The following HCFC2 variants were observed in gnomAD, a reference collection of about 807,000 sequenced individuals.
The protein encoded by HCFC2 is host cell factor C2.
A neutral mutation model predicts 89.2 loss-of-function variants in HCFC2; 18 were observed. The ratio of observed to expected loss-of-function variants is 0.20; its 90% CI spans 0.14 to 0.30. HCFC2 has a LOEUF of 0.30. Among genes scored for constraint, HCFC2 ranks in the 10% least tolerant of loss-of-function variants. The probability of loss-of-function intolerance (pLI) is 1.00; values close to 1 mark genes in which losing one functional copy is unlikely to be tolerated. For synonymous variants in HCFC2, 308 were observed against 335.7 expected (o/e 0.92, Z 0.90); for missense variants, 578 against 956.1 (o/e 0.60, Z 5.21).
chr12:104,101,742 G>C (rs1399969671), intron 13 of HCFC2, among the ~76,000 whole-genome samples: 1 of 152,132 alleles, frequency 6.6e-6, no homozygotes, highest in African/African-American at 2.4e-5. Context: ...TTCTCAACTG[G>C]AAAGAGTGCT....
At chr12:104,067,816 C>T in intron 2 of HCFC2, 131 bp from the exon 3 acceptor site, 2 of 710,336 alleles carry the variant, frequency 2.8e-6, no homozygotes, top group Non-Finnish European at 4.3e-6. Flanking sequence ...GTCATTTGTC[C>T]CAAAAGTAGT....
At chr12:104,079,780 G>C (rs1883623880) in intron 4 of HCFC2, 127 bp downstream of exon 4, 1 of 687,196 alleles carries the variant, frequency 1.5e-6, no homozygotes, top group South Asian at 1.8e-5. Context: ...CCCAGGGACA[G>C]TGTATGTGTG....
At chr12:104,093,799 G>C (rs1002915977) in intron 10 of HCFC2, among the ~76,000 whole-genome samples, 1 of 149,292 alleles carries the variant, frequency 6.7e-6, no homozygotes, top group African/African-American at 2.5e-5. Context: ...TTAAAGAATA[G>C]CCTCTCCATC....
intron 3 of HCFC2, among the ~76,000 whole-genome samples, chr12:104,077,276 T>G (rs1217216111): frequency 3.3e-5 from 5 of 152,024 alleles, no homozygotes; most frequent in African/African-American, 1.2e-4. Flanking sequence ...GGAGTCTCGT[T>G]GTGTCACCCA....
rs1884087606 is a variant in HCFC2 at position 104,093,499 on chromosome 12, A to G, written c.1398A>G (p.Pro466=). 5 of 1,613,042 alleles carry G rather than the reference A, an allele frequency of 3.1e-6. No homozygotes were observed. The South Asian group carries it at 4.4e-5, about 14-fold the overall frequency. The part of the protein sequence containing the change: ...ALTDSNAILY[P]SLASNASNHN... Reference sequence around the variant, plus strand: ...CGGATTCTAATGCCATTTTATATCCATCTTTGGCATCAAATGCTTCTAATC... The same window carrying G: ...CGGATTCTAATGCCATTTTATATCCGTCTTTGGCATCAAATGCTTCTAATC... The change falls in exon 10 of 15, where the codon CCA becomes CCG. Residue 466 remains proline, a synonymous_variant. Transcript: ENST00000229330.
chr12:104,088,064 A>G (rs756356696), intron 9 of HCFC2, 26 bp downstream of exon 9: 1 of 1,532,496 alleles, frequency 6.5e-7, no homozygotes, highest in East Asian at 2.3e-5. Context: ...TATGAAGGTA[A>G]TTGGATGTTT....
rs553285642 is a variant in HCFC2, at chr12:104,088,919, G to C, written c.1284+881G>C. 8.5e-5 allele frequency among the ~76,000 whole-genome samples: 13 copies of C among 152,252 alleles called. No individual in the cohort carries two copies. In the East Asian group the frequency reaches 2.5e-3, roughly 29 times the overall value. On this transcript the variant is annotated intron_variant, in intron 9 of 14. Transcript: ENST00000229330. ...ATGAAGAGCAGTAGTTTCCTACCCT[G>C]TCCCTACCTGCTCTTGATTTCTGTT...
chr12:104,103,907 G>A lies in HCFC2; in HGVS notation c.*634G>A, dbSNP rs2030019209. On this transcript the variant is annotated 3_prime_UTR_variant, in exon 15 of 15. Coordinates refer to ENST00000229330, the MANE Select transcript of HCFC2 (RefSeq NM_013320.3). ...CATGGTAAAATACAACAAGAACAAT[G>A]AGTTTTCTTGATTCTTACCAGGCCA... The A allele has an allele frequency of 6.6e-6, 1 of 152,046 alleles. No homozygotes were observed. The highest frequency in any genetic ancestry group is 6.6e-5 in the Admixed American group (1 of 15,266). The allele number at this position is 152,046 out of a possible 1,614,324, so 9.4% of individuals were successfully genotyped here. A position where few individuals can be genotyped will look rare whatever the true frequency, so the allele number is the denominator to read the frequency against.
chr12:104,080,881 A>C, intron 5 of HCFC2, 51 bp downstream of exon 5: 1 of 1,164,160 alleles, frequency 8.6e-7, no homozygotes, highest in Non-Finnish European at 1.3e-6. Context: ...AAAACAACTT[A>C]AGAAGCACAC....
At chr12:104,100,352 G>A (rs2029900705) in intron 13 of HCFC2, among the ~76,000 whole-genome samples, 2 of 152,132 alleles carry the variant, frequency 1.3e-5, no homozygotes, top group African/African-American at 2.4e-5. Flanking sequence ...AGTCCAAGGT[G>A]GGAGGAGCTT....
At position 104,105,690 on chromosome 12, in the gene HCFC2, T is replaced by G. The variant is rs866900130; in HGVS notation, c.*2417T>G. 2.0e-5 allele frequency: 3 copies of G among 151,944 alleles called. No individual in the cohort carries two copies. The highest frequency in any genetic ancestry group is 4.4e-5 in the Non-Finnish European group (3 of 67,886). The allele number at this position is 151,944 out of a possible 1,614,324, so 9.4% of individuals were successfully genotyped here. A position where few individuals can be genotyped will look rare whatever the true frequency, so the allele number is the denominator to read the frequency against. The stretch of plus-strand genomic sequence containing the variant: ...TAAGAAATCTCTGTGGCTTTGACAT[T>G]AGTAGTTAATAAGAGATCTTAGAGC... On this transcript the variant is annotated 3_prime_UTR_variant, in exon 15 of 15. Coordinates refer to ENST00000229330, the MANE Select transcript of HCFC2 (RefSeq NM_013320.3).
At position 104,067,987 on chromosome 12, in the gene HCFC2, C is replaced by T. The variant is rs772184239; in HGVS notation, c.353C>T (p.Pro118Leu). ...WLWKKVKPHPPPSGLPPCPRL... is the reference protein window; with the variant it reads ...WLWKKVKPHPLPSGLPPCPRL... ...TGGAAAAAAGTGAAACCCCATCCCC[C>T]TCCTTCTGGTTTACCTCCTTGTCCT... is the stretch of plus-strand genomic sequence containing the variant. The change falls in exon 3 of 15, where the codon CCT (proline) becomes CTT (leucine). Residue 118 changes from proline to leucine, a missense_variant. By Grantham distance (98) the Pro-to-Leu change is moderately conservative. Around this residue, in one of 4 missense-constraint regions of HCFC2, gnomAD observed 206 missense variants for 419.2 expected, o/e 0.49. Transcript: ENST00000229330. The T allele has an allele frequency of 1.9e-6, 3 of 1,606,328 alleles. No homozygotes were observed. The highest frequency in any genetic ancestry group is 2.5e-6 in the Non-Finnish European group (3 of 1,177,370).
intron 3 of HCFC2, among the ~76,000 whole-genome samples, chr12:104,072,645 T>C (rs1883354701): frequency 6.6e-6 from 1 of 151,984 alleles, no homozygotes. Flanking sequence ...ATCCATTTGG[T>C]TTCTTTTTTT....
chr12:104,095,185 C>T lies in HCFC2; in HGVS notation c.1463-175C>T, dbSNP rs943618524. 6.6e-6 allele frequency among the ~76,000 whole-genome samples: 1 copy of T among 152,086 alleles called. No homozygotes were observed. Among genetic ancestry groups the T allele is most frequent in the South Asian group, 2.1e-4 (1 of 4,838 alleles). Reference sequence around the variant, plus strand: ...TTGGATATCCATTATGGATATAATGCACTTTATTTTTCTAAACATTTTATG... The same window carrying T: ...TTGGATATCCATTATGGATATAATGTACTTTATTTTTCTAAACATTTTATG... On this transcript the variant is annotated intron_variant, in intron 10 of 14. Transcript: ENST00000229330. This position sits in a 1 kb window ranked among gnomAD's most constrained non-coding sequence, Gnocchi z 4.2.
At position 104,103,279 on chromosome 12, in the gene HCFC2, T is replaced by A. The variant is rs1260867456; in HGVS notation, c.*6T>A. On this transcript the variant is annotated 3_prime_UTR_variant, in exon 15 of 15. Transcript: ENST00000229330. Reference sequence around the variant, plus strand: ...AGAAAGCACCTTTAAATTGAATTGGTTTTTTTACTGAAGCTATTGTGATGA... The same window carrying A: ...AGAAAGCACCTTTAAATTGAATTGGATTTTTTACTGAAGCTATTGTGATGA... 6.3e-7 allele frequency: 1 copy of A among 1,597,564 alleles called. No homozygotes were observed. Among genetic ancestry groups the A allele is most frequent in the Non-Finnish European group, 8.6e-7 (1 of 1,168,158 alleles).
intron 13 of HCFC2, among the ~76,000 whole-genome samples, chr12:104,099,635 T>TA (rs1884281978): frequency 6.6e-6 from 1 of 152,000 alleles, no homozygotes; most frequent in South Asian, 2.1e-4. Context: ...AAAAAAAACT[T>TA]ATACAATCAC....
intron 14 of HCFC2, among the ~76,000 whole-genome samples, 192 bp downstream of exon 14, chr12:104,102,345 G>A (rs2029973074): frequency 2.0e-5 from 3 of 152,044 alleles, no homozygotes; most frequent in South Asian, 2.1e-4. Context: ...AAGTTCAGGG[G>A]TACATGTGCA....
intron 5 of HCFC2, 38 bp downstream of exon 5, chr12:104,080,868 A>T (rs781249623): frequency 5.3e-6 from 7 of 1,311,996 alleles, no homozygotes; most frequent in East Asian, 4.7e-5. Flanking sequence ...TGTTTTTTTT[A>T]AAAAAACAAC....
At chr12:104,085,246 T>C (rs1457831206) in intron 7 of HCFC2, among the ~76,000 whole-genome samples, 1 of 152,148 alleles carries the variant, frequency 6.6e-6, no homozygotes, top group Non-Finnish European at 1.5e-5. Flanking sequence ...GTTTTTGTAA[T>C]GTAAAAAGAG....
Sources: allele counts gnomAD v4.1 joint callset (sites outside exome capture counted in the v4.1 genomes callset), GRCh38; gene constraint gnomAD v4.1.1; regional missense constraint gnomAD v4.1.1; non-coding constraint Gnocchi (gnomAD v3.1); transcripts MANE v1.5; gene names NCBI Gene and HGNC (gene_info 2026-07-23, HGNC 2026-07-21).